COL24A1: variants seen among roughly 807,000 people sequenced by gnomAD.
COL24A1 encodes collagen alpha-1(XXIV) chain.
Under a neutral mutation model 253.9 loss-of-function variants are expected in COL24A1, and 224 were observed. The observed-to-expected ratio is 0.88, with a 90% CI of 0.79 to 0.99. The LOEUF (loss-of-function observed/expected upper bound fraction) is 0.99. COL24A1 is among the 50% of genes least tolerant of loss of function. COL24A1 has a pLI of 0.00. For synonymous variants in COL24A1, 685 were observed against 673.7 expected (o/e 1.02, Z -0.26); for missense variants, 2,131 against 2,068.5 (o/e 1.03, Z -0.59).
intron 28 of COL24A1, among the ~76,000 whole-genome samples, chr1:85,906,573 TTC>T (rs1033491047): frequency 6.6e-6 from 1 of 151,816 alleles, no homozygotes; most frequent in Non-Finnish European, 1.5e-5. Context: ...TATAATATTT[TTC>T]TCTCTCTAGT....
intron 35 of COL24A1, among the ~76,000 whole-genome samples, chr1:85,869,609 T>A (rs1680195231): frequency 6.6e-6 from 1 of 152,064 alleles, no homozygotes; most frequent in Non-Finnish European, 1.5e-5. Flanking sequence ...GCTTCATAAG[T>A]GAAGGAGAAA....
At chr1:85,805,632 C>T (rs1341045524) in intron 47 of COL24A1, among the ~76,000 whole-genome samples, 1 of 152,094 alleles carries the variant, frequency 6.6e-6, no homozygotes, top group Non-Finnish European at 1.5e-5. Flanking sequence ...TCAATTTCTG[C>T]ATCTACAAAA....
intron 12 of COL24A1, among the ~76,000 whole-genome samples, chr1:86,034,192 A>G (rs1698818346): frequency 6.6e-6 from 1 of 152,134 alleles, no homozygotes; most frequent in African/African-American, 2.4e-5. Flanking sequence ...AAGTTTGTTC[A>G]TCATACATAA....
At chr1:85,877,813 A>C (rs1467270361) in intron 32 of COL24A1, among the ~76,000 whole-genome samples, 2 of 152,246 alleles carry the variant, frequency 1.3e-5, no homozygotes, top group African/African-American at 4.8e-5. Flanking sequence ...CATTTTGACA[A>C]GGTATCTTAT....
intron 37 of COL24A1, among the ~76,000 whole-genome samples, chr1:85,852,882 T>C (rs1677943894): frequency 6.6e-6 from 1 of 152,150 alleles, no homozygotes. Context: ...ACTCCTAGGA[T>C]CAAGCAATCC....
intron 55 of COL24A1, among the ~76,000 whole-genome samples, chr1:85,747,027 T>A (rs575126769): frequency 6.6e-6 from 1 of 151,780 alleles, no homozygotes; most frequent in South Asian, 2.1e-4. Context: ...AGAATCAGAA[T>A]CCTTTTGCAC....
chr1:86,075,417 A>G (rs1557513884), intron 7 of COL24A1, among the ~76,000 whole-genome samples: 2 of 152,292 alleles, frequency 1.3e-5, no homozygotes, highest in Non-Finnish European at 2.9e-5. Flanking sequence ...ACCAACTAAA[A>G]AAAAGCCCAG....
chr1:86,020,107 G>A lies in COL24A1; in HGVS notation c.2256+2133C>T, dbSNP rs911827100. On this transcript the variant is annotated intron_variant, in intron 18 of 59. Transcript: ENST00000370571. ...TTTTGAGATGGAGTCTCACTCTGTCGCTCAAGCTGGAGTCCAGTGGCGCAA... is the reference window on the plus strand; with the variant it reads ...TTTTGAGATGGAGTCTCACTCTGTCACTCAAGCTGGAGTCCAGTGGCGCAA... Among the ~76,000 whole-genome samples the A allele has an allele frequency of 8.1e-5, 10 of 123,268 alleles. 1 individual carries two copies. Among genetic ancestry groups the A allele is most frequent in the African/African-American group, 1.5e-4 (5 of 32,542 alleles). 80.9% of individuals were successfully genotyped at this position (123,268 alleles called of 152,430 possible).
chr1:85,827,190 G>GT (rs1395220758), intron 43 of COL24A1, among the ~76,000 whole-genome samples: 1 of 151,960 alleles, frequency 6.6e-6, no homozygotes, highest in Non-Finnish European at 1.5e-5. Context: ...TAATCATGTG[G>GT]TTTTTGTCTT....
intron 10 of COL24A1, among the ~76,000 whole-genome samples, chr1:86,055,728 C>T (rs1700617148): frequency 6.6e-6 from 1 of 152,102 alleles, no homozygotes. Flanking sequence ...TCACAACTAC[C>T]TGAAAAGTAA....
intron 47 of COL24A1, among the ~76,000 whole-genome samples, chr1:85,792,717 C>A (rs1180853337): frequency 6.6e-6 from 1 of 150,940 alleles, no homozygotes; most frequent in Non-Finnish European, 1.5e-5. Context: ...CAAAAATAAA[C>A]AAATAAATTA....
At chr1:85,772,122 C>G (rs1431353712) in intron 53 of COL24A1, among the ~76,000 whole-genome samples, 1 of 150,358 alleles carries the variant, frequency 6.7e-6, no homozygotes, top group Non-Finnish European at 1.5e-5. Context: ...CTACAAAGGA[C>G]ATGAACTCAT....
chr1:86,119,443 T>C (rs1036157393), intron 3 of COL24A1, among the ~76,000 whole-genome samples: 1 of 151,988 alleles, frequency 6.6e-6, no homozygotes, highest in Admixed American at 6.6e-5. Flanking sequence ...GTAGAAAAGG[T>C]GGAGCTGAAG....
chr1:85,745,440 C>T lies in COL24A1; in HGVS notation c.4503+1G>A. The T allele has an allele frequency of 6.2e-7, 1 of 1,601,168 alleles. No homozygotes were observed. The highest frequency in any genetic ancestry group is 8.5e-7 in the Non-Finnish European group (1 of 1,173,322). ...AATATAAATAAAACCAGATATGTTA[C>T]CTCCATCTGTAGGGCAGTATTTGAT... On this transcript the variant is annotated splice_donor_variant, in intron 56 of 59. Transcript: ENST00000370571. LOFTEE classifies it high-confidence loss of function.
Position 85,734,839 on chromosome 1 carries a change from T to C in COL24A1, c.4908A>G (p.Pro1636=). The C allele has an allele frequency of 6.2e-7, 1 of 1,614,222 alleles. No individual in the cohort carries two copies. Among genetic ancestry groups the C allele is most frequent in the Non-Finnish European group, 8.5e-7 (1 of 1,180,036 alleles). ...PRWTSTQTSG[P]GLPIGFKGWN... ...ATCCCTTGAAACCAATAGGCAATCC[T>C]GGGCCACTTGTTTGTGTGCTTGTCC... Residue 1636 remains proline, a synonymous_variant, in exon 59 of 60, where the codon CCA becomes CCG. Transcript: ENST00000370571.
intron 32 of COL24A1, among the ~76,000 whole-genome samples, chr1:85,882,278 C>T (rs2102668698): frequency 6.6e-6 from 1 of 151,858 alleles, no homozygotes; most frequent in African/African-American, 2.4e-5. Context: ...GAGATCGAGA[C>T]CACGGTGAAA....
At chr1:86,152,820 G>T (rs1180704516) in intron 1 of COL24A1, among the ~76,000 whole-genome samples, 1 of 152,188 alleles carries the variant, frequency 6.6e-6, no homozygotes, top group Non-Finnish European at 1.5e-5. Flanking sequence ...GTGAACTAAT[G>T]AATCAGATAA....
At chr1:85,791,502 G>A (rs1412412473) in intron 47 of COL24A1, among the ~76,000 whole-genome samples, 1 of 152,078 alleles carries the variant, frequency 6.6e-6, no homozygotes, top group Non-Finnish European at 1.5e-5. Context: ...GCATATCTTA[G>A]ACCTAGATGC....
intron 57 of COL24A1, among the ~76,000 whole-genome samples, chr1:85,742,305 T>C (rs1042159481): frequency 2.0e-5 from 3 of 151,712 alleles, no homozygotes; most frequent in Admixed American, 2.0e-4. Context: ...CTAATTTTTC[T>C]GTATTTTTAG....
Sources: allele counts gnomAD v4.1 joint callset (sites outside exome capture counted in the v4.1 genomes callset), GRCh38; gene constraint gnomAD v4.1.1; transcripts MANE v1.5; gene names NCBI Gene and HGNC (gene_info 2026-07-23, HGNC 2026-07-21).